ZBTB46: variants seen among roughly 807,000 people sequenced by gnomAD.
ZBTB46 encodes zinc finger and BTB domain-containing protein 46.
In ZBTB46, 8 loss-of-function variants were observed where a neutral mutation model predicts 44.1. The ratio of observed to expected loss-of-function variants is 0.18; its 90% CI spans 0.11 to 0.33. ZBTB46 has a LOEUF of 0.33. Ranked by LOEUF, ZBTB46 falls within the 10% of genes least tolerant of loss-of-function variation. The pLI is 1.00. For missense variants in ZBTB46, 651 were observed against 847.7 expected (o/e 0.77, Z 2.88); for synonymous variants, 409 against 382.3 (o/e 1.07, Z -0.81).
chr20:63,772,100 T>C (rs897097064), intron 3 of ZBTB46, among the ~76,000 whole-genome samples: 1 of 151,360 alleles, frequency 6.6e-6, no homozygotes, highest in Non-Finnish European at 1.5e-5. Context: ...GTTCAAGCGA[T>C]TCTCCTGCCT....
chr20:63,832,537 C>T (rs1255011303), upstream of ZBTB46, among the ~76,000 whole-genome samples: 3 of 152,206 alleles, frequency 2.0e-5, no homozygotes, highest in Non-Finnish European at 2.9e-5. This position sits in a 1 kb window ranked among gnomAD's most constrained non-coding sequence, Gnocchi z 5.0. Flanking sequence ...TGGGAGGCGG[C>T]TGAGGGCTCT....
chr20:63,809,183 A>G (rs2092703330), intron 1 of ZBTB46, among the ~76,000 whole-genome samples: 1 of 151,620 alleles, frequency 6.6e-6, no homozygotes, highest in Non-Finnish European at 1.5e-5. Flanking sequence ...CGAAGTGGGC[A>G]CTAAAGGTGC....
At chr20:63,773,457 A>G (rs1000967159) in intron 3 of ZBTB46, among the ~76,000 whole-genome samples, 14 of 152,136 alleles carry the variant, frequency 9.2e-5, no homozygotes, top group Non-Finnish European at 1.8e-4. Context: ...GTTCTTAATG[A>G]CCAAGACACA....
intron 3 of ZBTB46, among the ~76,000 whole-genome samples, chr20:63,768,365 C>T (rs986576247): frequency 2.0e-5 from 3 of 152,094 alleles, no homozygotes; most frequent in Non-Finnish European, 4.4e-5. Flanking sequence ...CCGAGGCAGG[C>T]GGATCACCTG....
intron 2 of ZBTB46, among the ~76,000 whole-genome samples, chr20:63,780,264 T>A (rs2092458204): frequency 6.7e-6 from 1 of 148,708 alleles, no homozygotes; most frequent in African/African-American, 2.5e-5. Flanking sequence ...AGAGTGAAAC[T>A]CCATCTCAAA....
rs371464024 is a variant in ZBTB46 at position 63,762,245 on chromosome 20, TGAGA to T, written c.1223-9388_1223-9385del. 3.3e-3 allele frequency among the ~76,000 whole-genome samples: 508 copies of T among 152,358 alleles called. 2 individuals carry two copies. Among genetic ancestry groups the T allele is most frequent in the African/African-American group, 0.012 (483 of 41,580 alleles). ...GTGTTCAAATATTCTCTATCCTTAC[TGAGA>T]TTTTGTTTGCTGTTCTATCAATTAC... On this transcript the variant is annotated intron_variant, in intron 3 of 4. Coordinates refer to ENST00000245663, the MANE Select transcript of ZBTB46 (RefSeq NM_001369741.1).
At chr20:63,817,295 A>G (rs1036782801) in intron 1 of ZBTB46, among the ~76,000 whole-genome samples, 1 of 152,036 alleles carries the variant, frequency 6.6e-6, no homozygotes, top group Non-Finnish European at 1.5e-5. Context: ...AGTCCCAGCT[A>G]CTTGGGAGGC....
chr20:63,831,613 TC>T (rs1407236633), upstream of ZBTB46, among the ~76,000 whole-genome samples: 4 of 145,250 alleles, frequency 2.8e-5, no homozygotes, highest in African/African-American at 1.0e-4. Flanking sequence ...GGCGCGGGGG[TC>T]CCCCTGGCCC....
intron 1 of ZBTB46, among the ~76,000 whole-genome samples, chr20:63,822,309 TCAC>T (rs957893490): frequency 1.1e-4 from 17 of 152,072 alleles, no homozygotes; most frequent in African/African-American, 3.9e-4. Flanking sequence ...CGCCCTGAAT[TCAC>T]CCACCAGCAC....
At chr20:63,832,932 C>T (rs1379893602), upstream of ZBTB46, among the ~76,000 whole-genome samples, 2 of 151,966 alleles carry the variant, frequency 1.3e-5, no homozygotes, top group Admixed American at 1.3e-4. The surrounding 1 kb of genome is among the most constrained non-coding windows in gnomAD (Gnocchi z 5.0). Context: ...TTGTACCCCA[C>T]GGAGGAAAGG....
Position 63,765,709 on chromosome 20 carries a change from C to T in ZBTB46, c.1222+9969G>A, listed in dbSNP as rs534188018. Among the ~76,000 whole-genome samples the T allele has an allele frequency of 2.5e-3, 279 of 110,398 alleles. 1 individual carries two copies. Among genetic ancestry groups the T allele is most frequent in the South Asian group, 0.024 (76 of 3,136 alleles). 72.4% of individuals were successfully genotyped at this position (110,398 alleles called of 152,430 possible). ...CCTCCCAAAGTACTGGGATTACAGG[C>T]ATGAGCCATTGCACCCACTTCATAT... On this transcript the variant is annotated intron_variant, in intron 3 of 4. Coordinates refer to ENST00000245663, the MANE Select transcript of ZBTB46 (RefSeq NM_001369741.1).
chr20:63,804,054 T>G (rs2092666266), intron 1 of ZBTB46, among the ~76,000 whole-genome samples: 1 of 151,396 alleles, frequency 6.6e-6, no homozygotes, highest in African/African-American at 2.4e-5. Context: ...GCTTCCCCTT[T>G]CCAAACACCT....
intron 1 of ZBTB46, among the ~76,000 whole-genome samples, chr20:63,818,448 GGCCAGT>G (rs1426883952): frequency 1.3e-5 from 2 of 152,246 alleles, no homozygotes; most frequent in African/African-American, 4.8e-5. Context: ...GGGTGGGCCA[GGCCAGT>G]GCGGACCCCC....
chr20:63,795,697 G>A (rs2092598330), intron 1 of ZBTB46, among the ~76,000 whole-genome samples: 1 of 152,184 alleles, frequency 6.6e-6, no homozygotes, highest in South Asian at 2.1e-4. Flanking sequence ...AATCCTCCCT[G>A]GGATCCGGGG....
chr20:63,766,534 CAA>C (rs11434220), intron 3 of ZBTB46, among the ~76,000 whole-genome samples: 26 of 130,518 alleles, frequency 2.0e-4, no homozygotes, highest in Non-Finnish European at 1.8e-4. Flanking sequence ...CCATTTTGAC[CAA>C]AAAAAAAAAA....
chr20:63,819,200 A>G (rs1223560571), intron 1 of ZBTB46, among the ~76,000 whole-genome samples: 1 of 152,184 alleles, frequency 6.6e-6, no homozygotes, highest in African/African-American at 2.4e-5. Context: ...CTGAGACACC[A>G]ACTCATGACT....
At chr20:63,816,142 T>TGGGC (rs2092756222) in intron 1 of ZBTB46, among the ~76,000 whole-genome samples, 3 of 94,650 alleles carry the variant, frequency 3.2e-5, no homozygotes, top group African/African-American at 1.5e-4. Context: ...GTGCAGTGGG[T>TGGGC]GCAGGTGCAG....
At chr20:63,819,680 G>A (rs2092780172) in intron 1 of ZBTB46, among the ~76,000 whole-genome samples, 1 of 152,136 alleles carries the variant, frequency 6.6e-6, no homozygotes, top group African/African-American at 2.4e-5. Flanking sequence ...TTACTGCAAC[G>A]TCTAGTGAAA....
intron 1 of ZBTB46, among the ~76,000 whole-genome samples, chr20:63,810,753 A>C (rs1415409068): frequency 6.6e-6 from 1 of 152,206 alleles, no homozygotes; most frequent in Non-Finnish European, 1.5e-5. Flanking sequence ...CTCAAAAAAC[A>C]AAAAAATAAA....
Sources: gnomAD v4.1 joint callset for allele counts (sites outside exome capture counted in the v4.1 genomes callset) on GRCh38, gnomAD v4.1.1 for gene constraint, Gnocchi (gnomAD v3.1) non-coding constraint, MANE v1.5 for transcripts, NCBI Gene and HGNC (gene_info 2026-07-23, HGNC 2026-07-21) for gene names.